NBEA: variants seen among roughly 807,000 people sequenced by gnomAD.
NBEA encodes the protein neurobeachin, also known as lysosomal-trafficking regulator 2.
Under a neutral mutation model 343.4 loss-of-function variants are expected in NBEA, and 44 were observed. The ratio of observed to expected loss-of-function variants is 0.13; its 90% CI spans 0.10 to 0.16. The LOEUF (loss-of-function observed/expected upper bound fraction) is 0.16, where lower values mean the gene tolerates loss of function less well. Among genes scored for constraint, NBEA ranks in the 10% least tolerant of loss-of-function variants. NBEA has a pLI of 1.00. For synonymous variants in NBEA, 1,175 were observed against 1,238.7 expected (o/e 0.95, Z 1.08); for missense variants, 2,555 against 3,631.3 (o/e 0.70, Z 7.62).
intron 18 of NBEA, among the ~76,000 whole-genome samples, chr13:35,150,978 T>G (rs527640296): frequency 4.0e-4 from 60 of 151,866 alleles, no homozygotes; most frequent in Non-Finnish European, 7.4e-4. Flanking sequence ...TTTAGCCAAG[T>G]GTGGTGCTGT....
At chr13:35,539,197 A>G (rs1324324326) in intron 41 of NBEA, among the ~76,000 whole-genome samples, 2 of 152,224 alleles carry the variant, frequency 1.3e-5, no homozygotes, top group Non-Finnish European at 1.5e-5. Flanking sequence ...GACACCAAGA[A>G]GTCAACCAAC....
chr13:35,602,561 A>T (rs2082101552), intron 47 of NBEA, among the ~76,000 whole-genome samples: 1 of 152,238 alleles, frequency 6.6e-6, no homozygotes, highest in Admixed American at 6.5e-5. Context: ...TGTTTAAAAC[A>T]TGTCTGTTTA....
intron 33 of NBEA, among the ~76,000 whole-genome samples, chr13:35,225,582 T>C (rs1355099463): frequency 6.6e-6 from 1 of 152,160 alleles, no homozygotes; most frequent in African/African-American, 2.4e-5. Flanking sequence ...TAGGTTTGAA[T>C]GGAAGAGGCT....
intron 40 of NBEA, among the ~76,000 whole-genome samples, chr13:35,465,329 T>C (rs998338759): frequency 4.6e-5 from 7 of 152,170 alleles, no homozygotes; most frequent in African/African-American, 1.7e-4. Flanking sequence ...TAATAACCCC[T>C]GTCTTCAATT....
At chr13:35,669,480 G>A (rs773665056) in intron 58 of NBEA, among the ~76,000 whole-genome samples, 3 of 152,120 alleles carry the variant, frequency 2.0e-5, no homozygotes, top group Non-Finnish European at 4.4e-5. Flanking sequence ...CAGGAAAAAC[G>A]CTGTAAGCTA....
At chr13:35,409,672 T>A (rs547420342) in intron 38 of NBEA, among the ~76,000 whole-genome samples, 1 of 152,184 alleles carries the variant, frequency 6.6e-6, no homozygotes, top group African/African-American at 2.4e-5. Context: ...GATAAATAAG[T>A]AAATTTGGAG....
At chr13:35,464,984 T>C (rs909952596) in intron 40 of NBEA, among the ~76,000 whole-genome samples, 2 of 152,178 alleles carry the variant, frequency 1.3e-5, no homozygotes, top group Non-Finnish European at 2.9e-5. Context: ...AAGCAAGTTA[T>C]ACACTAGGAA....
chr13:35,151,309 C>T (rs893334720), intron 18 of NBEA, among the ~76,000 whole-genome samples: 11 of 151,130 alleles, frequency 7.3e-5, no homozygotes, highest in Non-Finnish European at 1.6e-4. Flanking sequence ...TTTGGGAGGC[C>T]GAGGTGGGTG....
intron 6 of NBEA, among the ~76,000 whole-genome samples, chr13:35,054,643 CTTT>C (rs1186551019): frequency 3.4e-5 from 4 of 117,444 alleles, no homozygotes; most frequent in Non-Finnish European, 3.6e-5. Flanking sequence ...GTTTTCTTTT[CTTT>C]TTTTTTTTTT....
In NBEA at chr13:35,353,291, C is replaced by A. The variant is rs545015071; in HGVS notation, c.6179+968C>A. ...TCTCTACTAAAACACAAAAATTAGC[C>A]AGGCGTGGTGGCGGGCACCTGTAAT... On this transcript the variant is annotated intron_variant, in intron 38 of 58. Transcript: ENST00000379939. 2.5e-4 allele frequency among the ~76,000 whole-genome samples: 38 copies of A among 152,156 alleles called. No individual in the cohort carries two copies. The East Asian group carries it at 7.4e-3, about 29-fold the overall frequency.
intron 41 of NBEA, among the ~76,000 whole-genome samples, chr13:35,518,673 G>T (rs903523357): frequency 3.9e-5 from 6 of 152,192 alleles, no homozygotes; most frequent in African/African-American, 1.4e-4. Flanking sequence ...ATAAAAGGAA[G>T]GAAAATATCT....
chr13:35,553,231 A>G (rs1197166263), intron 43 of NBEA, among the ~76,000 whole-genome samples: 2 of 152,138 alleles, frequency 1.3e-5, no homozygotes, highest in Non-Finnish European at 2.9e-5. Context: ...AACAAAAGGC[A>G]GCTCAGTAGT....
Position 35,651,795 on chromosome 13 carries a change from T to A in NBEA, c.7964-10T>A. On this transcript the variant is annotated splice_polypyrimidine_tract_variant and intron_variant, in intron 52 of 58. Transcript: ENST00000379939. The stretch of plus-strand genomic sequence containing the variant: ...TTATGTTAGTTTTTCTCTCTTTTTT[T>A]AATCTTTAGGCCTCAGAGGAGCTCC... 6.6e-7 allele frequency: 1 copy of A among 1,507,574 alleles called. No homozygotes were observed. Among genetic ancestry groups the A allele is most frequent in the Non-Finnish European group, 9.0e-7 (1 of 1,107,142 alleles). 93.4% of individuals were successfully genotyped at this position (1,507,574 alleles called of 1,614,324 possible). A position where few individuals can be genotyped will look rare whatever the true frequency, so the allele number is the denominator to read the frequency against.
intron 48 of NBEA, among the ~76,000 whole-genome samples, chr13:35,620,654 C>G (rs1459357849): frequency 6.6e-6 from 1 of 152,100 alleles, no homozygotes; most frequent in Non-Finnish European, 1.5e-5. Context: ...AGGGATCACT[C>G]TGGCTGCAGT....
chr13:35,605,728 A>T (rs1220771306), intron 47 of NBEA, among the ~76,000 whole-genome samples: 2 of 152,206 alleles, frequency 1.3e-5, no homozygotes, highest in Non-Finnish European at 2.9e-5. Flanking sequence ...TACATCACAC[A>T]CAAGTTCTCC....
chr13:35,478,756 C>G (rs1198318420), intron 41 of NBEA, among the ~76,000 whole-genome samples: 1 of 152,252 alleles, frequency 6.6e-6, no homozygotes, highest in Non-Finnish European at 1.5e-5. Context: ...GCCCTGCGCT[C>G]TCTCCCTTGG....
intron 45 of NBEA, among the ~76,000 whole-genome samples, chr13:35,577,501 A>C (rs995635630): frequency 6.6e-6 from 1 of 152,054 alleles, no homozygotes; most frequent in Non-Finnish European, 1.5e-5. Flanking sequence ...CATTTATTTA[A>C]TTAGATTGTT....
intron 47 of NBEA, among the ~76,000 whole-genome samples, chr13:35,601,962 G>A (rs993340440): frequency 6.6e-6 from 1 of 151,938 alleles, no homozygotes; most frequent in South Asian, 2.1e-4. Flanking sequence ...TCTATAAAGC[G>A]GGAATAATGA....
At chr13:35,075,610 C>G (rs1382432095) in intron 10 of NBEA, among the ~76,000 whole-genome samples, 1 of 152,048 alleles carries the variant, frequency 6.6e-6, no homozygotes, top group African/African-American at 2.4e-5. Flanking sequence ...GAACAGTCCT[C>G]TTGTAATGTG....
Sources: gnomAD v4.1 joint callset for allele counts (sites outside exome capture counted in the v4.1 genomes callset) on GRCh38, gnomAD v4.1.1 for gene constraint, MANE v1.5 for transcripts, NCBI Gene and HGNC (gene_info 2026-07-23, HGNC 2026-07-21) for gene names.